MYO3B: variants seen among roughly 807,000 people sequenced by gnomAD.
MYO3B encodes myosin-IIIb.
Under a neutral mutation model 174.6 loss-of-function variants are expected in MYO3B, and 156 were observed. That is an observed-to-expected ratio of 0.89 (90% CI 0.78 to 1.02). The LOEUF (loss-of-function observed/expected upper bound fraction) is 1.02. MYO3B is among the 50% of genes least tolerant of loss of function. MYO3B has a pLI of 0.00. For missense variants in MYO3B, 1,632 were observed against 1,639.4 expected, an observed-to-expected ratio of 1.00 and a Z score of 0.08; for synonymous variants, 563 against 569.1, an observed-to-expected ratio of 0.99 and a Z score of 0.15.
chr2:170,467,052 G>C (rs1684684717), intron 25 of MYO3B, among the ~76,000 whole-genome samples: 1 of 152,142 alleles, frequency 6.6e-6, no homozygotes, highest in Non-Finnish European at 1.5e-5. Flanking sequence ...CCAAGCACCA[G>C]TTCTTCTTCC....
At chr2:170,606,887 G>T (rs1252196484) in intron 32 of MYO3B, among the ~76,000 whole-genome samples, 1 of 152,110 alleles carries the variant, frequency 6.6e-6, no homozygotes, top group African/African-American at 2.4e-5. Flanking sequence ...AGGCGTGGTG[G>T]CACATGCCTG....
At position 170,553,983 on chromosome 2, in the gene MYO3B, T is replaced by C. The variant is rs572209012; in HGVS notation, c.3733+9995T>C. Among the ~76,000 whole-genome samples the C allele has an allele frequency of 1.2e-4, 18 of 152,336 alleles. No homozygotes were observed. The South Asian group carries it at 2.9e-3, about 25-fold the overall frequency. The stretch of plus-strand genomic sequence containing the variant: ...TACCTTCTGCCAGAACTGTAAGTTT[T>C]CTGAGGCCTCCCCAATCATGCCTCC... On this transcript the variant is annotated intron_variant, in intron 32 of 34. Coordinates refer to ENST00000408978, the MANE Select transcript of MYO3B (RefSeq NM_138995.5).
intron 1 of MYO3B, among the ~76,000 whole-genome samples, chr2:170,181,803 G>C (rs929869821): frequency 6.6e-6 from 1 of 152,054 alleles, no homozygotes; most frequent in Non-Finnish European, 1.5e-5. Context: ...AAAGGGAATG[G>C]GCATTTGGTA....
At chr2:170,476,908 C>T (rs1685352396) in intron 25 of MYO3B, among the ~76,000 whole-genome samples, 1 of 152,060 alleles carries the variant, frequency 6.6e-6, no homozygotes, top group African/African-American at 2.4e-5. Flanking sequence ...CCCAGGGATC[C>T]TCCATCTTGT....
At chr2:170,282,293 T>G (rs1442734806) in intron 7 of MYO3B, among the ~76,000 whole-genome samples, 4 of 152,144 alleles carry the variant, frequency 2.6e-5, no homozygotes, top group African/African-American at 4.8e-5. Flanking sequence ...TGTTGAGAGA[T>G]AGGGTTCTAG....
intron 32 of MYO3B, among the ~76,000 whole-genome samples, chr2:170,627,510 C>G (rs997301303): frequency 1.3e-5 from 2 of 152,188 alleles, no homozygotes; most frequent in Non-Finnish European, 2.9e-5. Flanking sequence ...CCTCCTTTAG[C>G]TCGGAGAAGT....
rs189656265 is a variant in MYO3B at position 170,213,511 on chromosome 2, G to A, written c.322-868G>A. On this transcript the variant is annotated intron_variant, in intron 3 of 34. Coordinates refer to ENST00000408978, the MANE Select transcript of MYO3B (RefSeq NM_138995.5). Reference sequence around the variant, plus strand: ...GTCAGGGGTCAATCTTTAACTACCAGGCTTAGGTCAGGCAGGCCCAGGCCT... The same window carrying A: ...GTCAGGGGTCAATCTTTAACTACCAAGCTTAGGTCAGGCAGGCCCAGGCCT... Among the ~76,000 whole-genome samples, 446 of 152,302 alleles carry A rather than the reference G, an allele frequency of 2.9e-3. 3 individuals are homozygous for A. Among genetic ancestry groups the A allele is most frequent in the South Asian group, 7.9e-3 (38 of 4,822 alleles).
rs1182868204 is a variant in MYO3B at position 170,405,585 on chromosome 2, G to A, written c.2472G>A (p.Arg824=). 3.1e-6 allele frequency: 5 copies of A among 1,614,150 alleles called. No individual in the cohort carries two copies. The highest frequency in any genetic ancestry group is 4.5e-5 in the East Asian group (2 of 44,872). Residue 824 remains arginine (R), a synonymous_variant, in exon 21 of 35, where the codon AGG becomes AGA. Coordinates refer to ENST00000408978, the MANE Select transcript of MYO3B (RefSeq NM_138995.5). ...EDNLRCKYFW[R]PKGVELCFGI... ...ATCTACGATGCAAATACTTCTGGAGGCCCAAAGGAGTGGAACTGTGCTTTG... is the reference window on the plus strand; with the variant it reads ...ATCTACGATGCAAATACTTCTGGAGACCCAAAGGAGTGGAACTGTGCTTTG...
intron 30 of MYO3B, among the ~76,000 whole-genome samples, chr2:170,530,089 A>C (rs1400444533): frequency 6.6e-6 from 1 of 152,248 alleles, no homozygotes; most frequent in African/African-American, 2.4e-5. Flanking sequence ...TAGTAATGCC[A>C]CAACATCTCC....
chr2:170,381,052 T>G (rs569019654), intron 9 of MYO3B, among the ~76,000 whole-genome samples: 1 of 152,278 alleles, frequency 6.6e-6, no homozygotes, highest in African/African-American at 2.4e-5. Context: ...GCCCAAGAGT[T>G]TGAGGCTGCA....
chr2:170,619,226 C>T (rs1023977629), intron 32 of MYO3B, among the ~76,000 whole-genome samples: 1 of 152,114 alleles, frequency 6.6e-6, no homozygotes, highest in Non-Finnish European at 1.5e-5. Flanking sequence ...GAGCTATGAA[C>T]ATCTGCCTTT....
intron 1 of MYO3B, among the ~76,000 whole-genome samples, chr2:170,180,496 G>A (rs1355061097): frequency 1.3e-5 from 2 of 152,074 alleles, no homozygotes; most frequent in African/African-American, 2.4e-5. Context: ...CTCAGGATGA[G>A]CCTCTGTTTC....
intron 8 of MYO3B, among the ~76,000 whole-genome samples, chr2:170,335,773 C>T (rs1312203755): frequency 6.6e-6 from 1 of 152,102 alleles, no homozygotes; most frequent in African/African-American, 2.4e-5. Flanking sequence ...CTGATGCCTA[C>T]ATTAGGACCA....
At chr2:170,486,299 C>CTTTTTTTTTTTT (rs10715918) in intron 25 of MYO3B, among the ~76,000 whole-genome samples, 2 of 99,188 alleles carry the variant, frequency 2.0e-5, no homozygotes, top group Non-Finnish European at 3.9e-5. Context: ...AGAATCCATT[C>CTTTTTTTTTTTT]TTTTTTTTTT....
intron 32 of MYO3B, among the ~76,000 whole-genome samples, chr2:170,619,778 G>A (rs377237183): frequency 2.5e-3 from 199 of 80,282 alleles, no homozygotes; most frequent in African/African-American, 8.0e-3. Flanking sequence ...ACAGAGTCTC[G>A]TTCTGTTGCC....
At chr2:170,466,272 A>T (rs1684627077) in intron 24 of MYO3B, among the ~76,000 whole-genome samples, 1 of 152,156 alleles carries the variant, frequency 6.6e-6, no homozygotes, top group Non-Finnish European at 1.5e-5. Context: ...TTCTTAGCTA[A>T]GTTTCTGCCA....
At chr2:170,424,863 G>A (rs779491120) in intron 22 of MYO3B, among the ~76,000 whole-genome samples, 1 of 151,988 alleles carries the variant, frequency 6.6e-6, no homozygotes, top group African/African-American at 2.4e-5. Flanking sequence ...TTGATTTTTC[G>A]AATGGTCAGA....
chr2:170,551,062 C>CT (rs536546547), intron 32 of MYO3B, among the ~76,000 whole-genome samples: 44 of 151,676 alleles, frequency 2.9e-4, no homozygotes, highest in African/African-American at 9.9e-4. Context: ...CCACACCTGG[C>CT]TTTTTTTTGT....
At chr2:170,301,846 T>C (rs1433184819) in intron 7 of MYO3B, among the ~76,000 whole-genome samples, 3 of 146,390 alleles carry the variant, frequency 2.0e-5, no homozygotes, top group African/African-American at 7.6e-5. Flanking sequence ...ACGAGCGACA[T>C]AGAGCGGCCA....
Sources: allele counts gnomAD v4.1 joint callset (sites outside exome capture counted in the v4.1 genomes callset), GRCh38; gene constraint gnomAD v4.1.1; transcripts MANE v1.5; gene names NCBI Gene and HGNC (gene_info 2026-07-23, HGNC 2026-07-21).